The following DLG1 variants were observed in gnomAD, a reference collection of about 807,000 sequenced individuals.
DLG1 encodes discs large MAGUK scaffold protein 1.
Under a neutral mutation model 123.4 loss-of-function variants are expected in DLG1, and 42 were observed. The ratio of observed to expected loss-of-function variants is 0.34; its 90% CI spans 0.27 to 0.44. The LOEUF is 0.44. Ranked by LOEUF, DLG1 falls within the 20% of genes least tolerant of loss-of-function variation. The probability of loss-of-function intolerance (pLI) is 1.00; values close to 1 mark genes in which losing one functional copy is unlikely to be tolerated. For synonymous variants in DLG1, 317 were observed against 356.2 expected, an observed-to-expected ratio of 0.89 and a Z score of 1.24; for missense variants, 942 against 1,082.6, an observed-to-expected ratio of 0.87 and a Z score of 1.82.
At chr3:197,263,946 A>G (rs1284987898) in intron 4 of DLG1, among the ~76,000 whole-genome samples, 1 of 152,240 alleles carries the variant, frequency 6.6e-6, no homozygotes, top group African/African-American at 2.4e-5. Flanking sequence ...AACAGCCTGA[A>G]ACAATCCTGA....
At chr3:197,100,426 G>A (rs1439273163) in intron 14 of DLG1, among the ~76,000 whole-genome samples, 5 of 152,082 alleles carry the variant, frequency 3.3e-5, no homozygotes, top group East Asian at 3.9e-4. Flanking sequence ...TTTTTCTTGC[G>A]AAAATAAAAT....
chr3:197,090,468 A>G (rs181182001), intron 15 of DLG1, among the ~76,000 whole-genome samples: 24 of 152,264 alleles, frequency 1.6e-4, no homozygotes, highest in Middle Eastern at 3.4e-3. Context: ...TGCATTATTT[A>G]CCGAGGCTAT....
intron 5 of DLG1, among the ~76,000 whole-genome samples, chr3:197,169,711 G>T (rs1480635399): frequency 6.6e-6 from 1 of 152,196 alleles, no homozygotes; most frequent in South Asian, 2.1e-4. Flanking sequence ...TATGAAGGGG[G>T]TAAACTGACC....
At chr3:197,168,461 G>A (rs1304371712) in intron 5 of DLG1, among the ~76,000 whole-genome samples, 1 of 152,168 alleles carries the variant, frequency 6.6e-6, no homozygotes, top group Non-Finnish European at 1.5e-5. Context: ...GACTGATGAG[G>A]AACAGCAAAG....
chr3:197,173,204 G>A (rs917888854), intron 5 of DLG1, among the ~76,000 whole-genome samples: 1 of 151,956 alleles, frequency 6.6e-6, no homozygotes, highest in Non-Finnish European at 1.5e-5. Flanking sequence ...TTGCTTCTCC[G>A]TATCTCTAGA....
chr3:197,294,159 T>C (rs749007469), intron 3 of DLG1, among the ~76,000 whole-genome samples: 5 of 152,142 alleles, frequency 3.3e-5, no homozygotes, highest in Admixed American at 2.0e-4. Flanking sequence ...TCAACAATTA[T>C]AGCATGGAAA....
chr3:197,269,496 G>A (rs410165), intron 4 of DLG1, among the ~76,000 whole-genome samples: 114,893 of 152,074 alleles, frequency 0.76, 43,508 homozygotes, highest in East Asian at 0.82. Context: ...CTTTATTGCA[G>A]TATTTTCCTT....
intron 4 of DLG1, among the ~76,000 whole-genome samples, chr3:197,207,191 C>T (rs887784687): frequency 1.3e-5 from 2 of 152,172 alleles, no homozygotes; most frequent in African/African-American, 4.8e-5. Flanking sequence ...TTGTCCTTCA[C>T]GCAAAGTCTG....
intron 5 of DLG1, among the ~76,000 whole-genome samples, chr3:197,187,810 A>C (rs1290635310): frequency 6.6e-6 from 1 of 152,184 alleles, no homozygotes; most frequent in Non-Finnish European, 1.5e-5. Flanking sequence ...ACATAACCCC[A>C]AAATTTACCC....
chr3:197,064,815 C>CT, intron 22 of DLG1, among the ~76,000 whole-genome samples: 1 of 149,198 alleles, frequency 6.7e-6, no homozygotes, highest in African/African-American at 2.5e-5. Flanking sequence ...CTTTTTTTTT[C>CT]TTTTTTTAAG....
intron 4 of DLG1, among the ~76,000 whole-genome samples, chr3:197,267,704 T>C (rs1416500375): frequency 6.6e-6 from 1 of 152,222 alleles, no homozygotes; most frequent in Admixed American, 6.5e-5. Flanking sequence ...TAAACATACT[T>C]ACAAAGACAG....
At chr3:197,243,231 T>C (rs1411335020) in intron 4 of DLG1, among the ~76,000 whole-genome samples, 3 of 152,162 alleles carry the variant, frequency 2.0e-5, no homozygotes, top group East Asian at 3.9e-4. Flanking sequence ...AGGAAATTCA[T>C]TGTTTGAACC....
chr3:197,285,023 T>C (rs1220270070), intron 3 of DLG1, among the ~76,000 whole-genome samples: 3 of 136,176 alleles, frequency 2.2e-5, no homozygotes, highest in Non-Finnish European at 3.2e-5. Context: ...ATCATTCTTA[T>C]CTATTAAAAA....
intron 11 of DLG1, among the ~76,000 whole-genome samples, chr3:197,125,363 T>C (rs1041082105): frequency 6.6e-6 from 1 of 152,120 alleles, no homozygotes; most frequent in African/African-American, 2.4e-5. Flanking sequence ...GAACCATAAA[T>C]GAAATAGCAG....
At chr3:197,223,894 T>C (rs1487320480) in intron 4 of DLG1, among the ~76,000 whole-genome samples, 4 of 152,166 alleles carry the variant, frequency 2.6e-5, no homozygotes, top group Non-Finnish European at 4.4e-5. Context: ...TAATGAAAAA[T>C]GTGACTAGGA....
chr3:197,144,715 T>A (rs1347118815), intron 6 of DLG1, among the ~76,000 whole-genome samples: 1 of 152,152 alleles, frequency 6.6e-6, no homozygotes, highest in Non-Finnish European at 1.5e-5. Context: ...CCCTTTTGGG[T>A]TCTTAACTCT....
chr3:197,291,826 C>T (rs1393727883), intron 3 of DLG1, among the ~76,000 whole-genome samples: 2 of 152,076 alleles, frequency 1.3e-5, no homozygotes, highest in East Asian at 3.8e-4. Flanking sequence ...CACAGGATTA[C>T]AATGACTAAA....
chr3:197,263,577 C>T (rs533827810), intron 4 of DLG1, among the ~76,000 whole-genome samples: 1 of 151,916 alleles, frequency 6.6e-6, no homozygotes, highest in Non-Finnish European at 1.5e-5. Context: ...ACTTGAGGTC[C>T]GGAGTTCGAG....
chr3:197,150,574 C>G (rs1398525588), intron 5 of DLG1, among the ~76,000 whole-genome samples: 1 of 152,030 alleles, frequency 6.6e-6, no homozygotes, highest in Non-Finnish European at 1.5e-5. Context: ...ATGAAAGTAC[C>G]AAGTCACATA....
Sources: gnomAD v4.1 joint callset for allele counts (sites outside exome capture counted in the v4.1 genomes callset) on GRCh38, gnomAD v4.1.1 for gene constraint, MANE v1.5 for transcripts, NCBI Gene and HGNC (gene_info 2026-07-23, HGNC 2026-07-21) for gene names.